Variants in DPH6 observed in about 807,000 individuals in gnomAD.
DPH6 encodes the protein diphthine--ammonia ligase.
A neutral mutation model predicts 38.2 loss-of-function variants in DPH6; 33 were observed. The ratio of observed to expected loss-of-function variants is 0.86; its 90% CI spans 0.65 to 1.15. The LOEUF (loss-of-function observed/expected upper bound fraction) is 1.15. Among genes scored for constraint, DPH6 ranks in the 50% most tolerant of loss-of-function variants. The pLI is 0.00. For missense variants in DPH6, 325 were observed against 320.0 expected (o/e 1.02, Z -0.12); for synonymous variants, 108 against 103.0 (o/e 1.05, Z -0.30).
intron 3 of DPH6, among the ~76,000 whole-genome samples, chr15:35,260,433 A>C (rs1404906486): frequency 2.6e-5 from 4 of 151,782 alleles, no homozygotes; most frequent in Non-Finnish European, 2.9e-5. Flanking sequence ...ATTCAGGATA[A>C]AGTGAAATAT....
At chr15:35,152,719 G>C in the DPH6 span, among the ~76,000 whole-genome samples, 106 of 152,198 alleles carry the variant, frequency 7.0e-4, no homozygotes, top group African/African-American at 2.3e-3. Context: ...GGCTCTTCTC[G>C]AACTCCTGAC....
chr15:35,182,215 T>G, the DPH6 span, among the ~76,000 whole-genome samples: 1 of 134,308 alleles, frequency 7.4e-6, no homozygotes, highest in Non-Finnish European at 1.6e-5. Flanking sequence ...TGGACAACTC[T>G]AAGAATTTTT....
chr15:35,223,253 G>T (rs2051454455), intron 3 of DPH6, among the ~76,000 whole-genome samples: 1 of 152,146 alleles, frequency 6.6e-6, no homozygotes, highest in African/African-American at 2.4e-5. Context: ...CAAAAAGAGG[G>T]CAAGAAAACG....
intron 3 of DPH6, among the ~76,000 whole-genome samples, chr15:35,343,075 A>G (rs1280477314): frequency 1.3e-5 from 2 of 152,220 alleles, no homozygotes; most frequent in Admixed American, 1.3e-4. Flanking sequence ...TTTTGAATAT[A>G]CCTAGAATAC....
chr15:35,497,681 C>T (rs530868496), intron 3 of DPH6, among the ~76,000 whole-genome samples: 18 of 152,132 alleles, frequency 1.2e-4, no homozygotes, highest in Non-Finnish European at 2.4e-4. Context: ...TGTCAAACAA[C>T]CCTCAGGAAA....
At chr15:35,181,472 C>T in the DPH6 span, among the ~76,000 whole-genome samples, 1 of 126,710 alleles carries the variant, frequency 7.9e-6, no homozygotes, top group African/African-American at 2.7e-5. Context: ...AAAAACTCTG[C>T]TTTTTAGTAA....
At chr15:35,463,516 A>G (rs959345226) in intron 3 of DPH6, among the ~76,000 whole-genome samples, 1 of 152,192 alleles carries the variant, frequency 6.6e-6, no homozygotes, top group African/African-American at 2.4e-5. Flanking sequence ...ATTAAAAGAC[A>G]TATTTTCAAA....
At chr15:35,414,962 C>G (rs1356656723) in intron 5 of DPH6, among the ~76,000 whole-genome samples, 1 of 151,784 alleles carries the variant, frequency 6.6e-6, no homozygotes, top group Non-Finnish European at 1.5e-5. Flanking sequence ...TTGTAGGGCA[C>G]TTCCCATTTC....
At chr15:35,279,068 A>AAAAAAAAAAATAAATATATAT (rs1555390826) in intron 3 of DPH6, among the ~76,000 whole-genome samples, 2 of 102,974 alleles carry the variant, frequency 1.9e-5, no homozygotes, top group East Asian at 7.1e-4. Context: ...AAAAAAAAAA[A>AAAAAAAAAAATAAATATATAT]ATATATATAT....
intron 5 of DPH6, among the ~76,000 whole-genome samples, chr15:35,420,601 C>G (rs2053492985): frequency 6.6e-6 from 1 of 152,162 alleles, no homozygotes; most frequent in African/African-American, 2.4e-5. Flanking sequence ...ACTGCAACCT[C>G]CGCCTCCTGG....
chr15:35,455,470 C>T (rs1039757625), intron 3 of DPH6, among the ~76,000 whole-genome samples: 2 of 152,046 alleles, frequency 1.3e-5, no homozygotes, highest in African/African-American at 4.8e-5. Context: ...CATTAATGAG[C>T]TGGAGGAGAA....
At chr15:35,527,210 G>A (rs1316542697) in intron 3 of DPH6, among the ~76,000 whole-genome samples, 2 of 152,076 alleles carry the variant, frequency 1.3e-5, no homozygotes, top group African/African-American at 4.8e-5. Flanking sequence ...GACTTTACTA[G>A]ATTATTCTGG....
At chr15:35,232,297 C>T (rs1307930766) in intron 3 of DPH6, among the ~76,000 whole-genome samples, 1 of 152,098 alleles carries the variant, frequency 6.6e-6, no homozygotes. Context: ...ATATTCAAGG[C>T]AAGGCCAGGC....
intron 3 of DPH6, among the ~76,000 whole-genome samples, chr15:35,361,852 T>A (rs142554215): frequency 3.8e-4 from 58 of 152,050 alleles, no homozygotes; most frequent in African/African-American, 1.3e-3. Flanking sequence ...TTTAGTTGTT[T>A]ATTTTAATGT....
intron 3 of DPH6, among the ~76,000 whole-genome samples, chr15:35,505,004 G>A (rs2054676314): frequency 6.6e-6 from 1 of 152,084 alleles, no homozygotes; most frequent in South Asian, 2.1e-4. Context: ...ACCAAACAGT[G>A]AAGTGTCAAC....
chr15:35,423,281 T>C (rs1467179604), intron 5 of DPH6, among the ~76,000 whole-genome samples: 1 of 151,894 alleles, frequency 6.6e-6, no homozygotes, highest in Admixed American at 6.6e-5. Flanking sequence ...TGATTGGCAT[T>C]TCCCTGATGA....
the DPH6 span, among the ~76,000 whole-genome samples, chr15:35,182,673 C>T: frequency 6.6e-6 from 1 of 152,122 alleles, no homozygotes. Flanking sequence ...ACTTCTATGG[C>T]TATACAAATG....
chr15:35,322,624 GAC>G, intron 3 of DPH6, among the ~76,000 whole-genome samples: 1 of 152,156 alleles, frequency 6.6e-6, no homozygotes, highest in African/African-American at 2.4e-5. Context: ...GTATAACCCT[GAC>G]AGCATCTAAC....
intron 6 of DPH6, among the ~76,000 whole-genome samples, chr15:35,389,648 A>C (rs2053024880): frequency 6.6e-6 from 1 of 152,074 alleles, no homozygotes; most frequent in Non-Finnish European, 1.5e-5. Context: ...GTTTTATCAG[A>C]GACTAGGATT....
Sources: gnomAD v4.1 joint callset for allele counts (sites outside exome capture counted in the v4.1 genomes callset) on GRCh38, gnomAD v4.1.1 for gene constraint, MANE v1.5 for transcripts, NCBI Gene and HGNC (gene_info 2026-07-23, HGNC 2026-07-21) for gene names.